LCLAT1: variants seen among roughly 807,000 people sequenced by gnomAD.
LCLAT1 encodes 1-AGP acyltransferase 8.
Under a neutral mutation model 30.7 loss-of-function variants are expected in LCLAT1, and 11 were observed. The ratio of observed to expected loss-of-function variants is 0.36; its 90% CI spans 0.23 to 0.59. The LOEUF is 0.59. Among genes scored for constraint, LCLAT1 ranks in the 20% least tolerant of loss-of-function variants. The pLI is 0.77. For missense variants in LCLAT1, 402 were observed against 458.6 expected, an observed-to-expected ratio of 0.88 and a Z score of 1.13; for synonymous variants, 155 against 151.3, an observed-to-expected ratio of 1.02 and a Z score of -0.18.
chr2:30,560,866 T>G (rs900377235), intron 3 of LCLAT1, among the ~76,000 whole-genome samples: 1 of 152,198 alleles, frequency 6.6e-6, no homozygotes, highest in Non-Finnish European at 1.5e-5. Flanking sequence ...TGGCTAGGAC[T>G]TGTGGAGATT....
chr2:30,615,974 AATG>A (rs1362905256), intron 5 of LCLAT1, among the ~76,000 whole-genome samples: 1 of 152,138 alleles, frequency 6.6e-6, no homozygotes, highest in African/African-American at 2.4e-5. Context: ...CTACCTTGGA[AATG>A]GGTAGAGGGC....
At chr2:30,533,779 T>TA (rs913573273) in intron 3 of LCLAT1, among the ~76,000 whole-genome samples, 10 of 152,152 alleles carry the variant, frequency 6.6e-5, no homozygotes, top group Non-Finnish European at 4.4e-5. Context: ...TAACTTTTTT[T>TA]AAAAAATGTT....
chr2:30,461,193 C>T (rs916060876), intron 1 of LCLAT1, among the ~76,000 whole-genome samples: 1 of 152,108 alleles, frequency 6.6e-6, no homozygotes, highest in Non-Finnish European at 1.5e-5. Flanking sequence ...AAACCTTGCT[C>T]TTTAACTTGT....
Position 30,640,933 on chromosome 2 carries a change from A to G in LCLAT1, c.*314A>G, listed in dbSNP as rs979407540. ...ACATTTTTCTTAAAGGCCCAATCCT[A>G]ACAGACTCCCCGTACCAGAGGCAGA... On this transcript the variant is annotated 3_prime_UTR_variant, in exon 6 of 6. Coordinates refer to ENST00000379509, the MANE Select transcript of LCLAT1 (RefSeq NM_001002257.3). 3.5e-6 allele frequency: 1 copy of G among 284,952 alleles called. No individual in the cohort carries two copies. 17.7% of individuals were successfully genotyped at this position (284,952 alleles called of 1,614,324 possible).
intron 1 of LCLAT1, among the ~76,000 whole-genome samples, chr2:30,523,358 G>A (rs1685565629): frequency 2.0e-5 from 3 of 151,956 alleles, no homozygotes; most frequent in Non-Finnish European, 2.9e-5. Context: ...GTTGAGGATA[G>A]GTGGTAACAC....
At chr2:30,451,564 C>CAATTG (rs1681550197) in intron 1 of LCLAT1, among the ~76,000 whole-genome samples, 2 of 151,452 alleles carry the variant, frequency 1.3e-5, no homozygotes, top group African/African-American at 2.4e-5. Context: ...ACTGCAGAAC[C>CAATTG]TATTGTACAT....
chr2:30,538,425 C>G (rs118117515), intron 3 of LCLAT1, among the ~76,000 whole-genome samples: 1 of 151,984 alleles, frequency 6.6e-6, no homozygotes, highest in Non-Finnish European at 1.5e-5. Flanking sequence ...GGTGGATCAC[C>G]TGAGTCAGGA....
chr2:30,554,649 T>C (rs181051567), intron 3 of LCLAT1, among the ~76,000 whole-genome samples: 25 of 152,338 alleles, frequency 1.6e-4, no homozygotes, highest in East Asian at 5.8e-4. Context: ...ATTGGACATA[T>C]AGTAAGCACA....
At chr2:30,631,312 T>C (rs974357681) in intron 5 of LCLAT1, among the ~76,000 whole-genome samples, 19 of 152,208 alleles carry the variant, frequency 1.2e-4, no homozygotes, top group Non-Finnish European at 2.6e-4. Flanking sequence ...CTCTCATGTC[T>C]CATTGTCCCA....
At position 30,641,693 on chromosome 2, in the gene LCLAT1, A is replaced by G. The variant is rs1211382826; in HGVS notation, c.*1074A>G. The G allele has an allele frequency of 2.6e-5, 4 of 152,252 alleles. No individual in the cohort carries two copies. Among genetic ancestry groups the G allele is most frequent in the Middle Eastern group, 3.4e-3 (1 of 294 alleles). The allele number at this position is 152,252 out of a possible 1,614,324, so 9.4% of individuals were successfully genotyped here. A position where few individuals can be genotyped will look rare whatever the true frequency, so the allele number is the denominator to read the frequency against. On this transcript the variant is annotated 3_prime_UTR_variant, in exon 6 of 6. Coordinates refer to ENST00000379509, the MANE Select transcript of LCLAT1 (RefSeq NM_001002257.3). ...GAAACACAAAAATTAATCCTTAATA[A>G]TGATAGCAAGTGATCTTTCTTTTTA... is the stretch of plus-strand genomic sequence containing the variant.
intron 5 of LCLAT1, among the ~76,000 whole-genome samples, chr2:30,599,855 GGTCTT>G (rs1225053861): frequency 6.6e-6 from 1 of 151,722 alleles, no homozygotes; most frequent in African/African-American, 2.4e-5. Flanking sequence ...ATGTGAGATG[GGTCTT>G]GTCTTTTTAT....
chr2:30,624,949 C>G (rs1352450084), intron 5 of LCLAT1, among the ~76,000 whole-genome samples: 2 of 152,168 alleles, frequency 1.3e-5, no homozygotes, highest in Admixed American at 1.3e-4. Context: ...TGGAAATCAA[C>G]TCCAAAAGGA....
At chr2:30,566,682 A>T (rs887352774) in intron 4 of LCLAT1, among the ~76,000 whole-genome samples, 2 of 152,134 alleles carry the variant, frequency 1.3e-5, no homozygotes, top group African/African-American at 4.8e-5. Context: ...GCAGCTGAGG[A>T]TTGCGGGTTC....
chr2:30,605,650 T>G (rs575818790), intron 5 of LCLAT1, among the ~76,000 whole-genome samples: 14 of 152,198 alleles, frequency 9.2e-5, no homozygotes, highest in Non-Finnish European at 1.2e-4. Flanking sequence ...AAGAGTGAAA[T>G]ATACATTTCC....
At chr2:30,459,499 A>T in intron 1 of LCLAT1, 1 of 762,960 alleles carries the variant, frequency 1.3e-6, no homozygotes, top group East Asian at 2.4e-5. Flanking sequence ...AGCCCGGTGC[A>T]CTGTTCCCAA....
At chr2:30,489,357 CT>C (rs11322850) in intron 1 of LCLAT1, 123,823 of 146,380 alleles carry the variant, frequency 0.85, 52,423 homozygotes, top group East Asian at 0.9. Flanking sequence ...TTCTTTCTTT[CT>C]TTTTTTTTTT....
intron 1 of LCLAT1, among the ~76,000 whole-genome samples, chr2:30,509,613 C>A (rs1880539): frequency 0.13 from 19,231 of 151,848 alleles, 1,364 homozygotes; most frequent in South Asian, 0.23. Flanking sequence ...CATTGTCTCC[C>A]CCAGGCTGGA....
chr2:30,632,577 G>A (rs1668818294), intron 5 of LCLAT1, among the ~76,000 whole-genome samples: 1 of 152,230 alleles, frequency 6.6e-6, no homozygotes, highest in South Asian at 2.1e-4. Context: ...GTAAAGGATA[G>A]CAACCTAAAT....
At chr2:30,566,055 C>T (rs573289839) in intron 4 of LCLAT1, among the ~76,000 whole-genome samples, 24 of 152,156 alleles carry the variant, frequency 1.6e-4, no homozygotes, top group African/African-American at 5.8e-4. Context: ...AGTAACGTGA[C>T]AAGACAGGAG....
Sources: gnomAD v4.1 joint callset for allele counts (sites outside exome capture counted in the v4.1 genomes callset) on GRCh38, gnomAD v4.1.1 for gene constraint, MANE v1.5 for transcripts, NCBI Gene and HGNC (gene_info 2026-07-23, HGNC 2026-07-21) for gene names.